HSPH1: variants seen among roughly 807,000 people sequenced by gnomAD.
HSPH1 encodes heat shock protein family H (Hsp110) member 1.
A neutral mutation model predicts 100.0 loss-of-function variants in HSPH1; 40 were observed. That is an observed-to-expected ratio of 0.40 (90% CI 0.31 to 0.52). The LOEUF (loss-of-function observed/expected upper bound fraction) is 0.52. HSPH1 is among the 20% of genes least tolerant of loss of function. The pLI, the probability that HSPH1 is intolerant of heterozygous loss-of-function variation, is 0.54. For synonymous variants in HSPH1, 403 were observed against 344.0 expected (o/e 1.17, Z -1.90); for missense variants, 876 against 1,015.1 (o/e 0.86, Z 1.86).
Position 31,137,226 on chromosome 13 carries a change from G to T in HSPH1, c.*92C>A. On this transcript the variant is annotated 3_prime_UTR_variant, in exon 18 of 18. Transcript: ENST00000320027. ...AAAATTTCTAAATATCCTTAAAAAA[G>T]AAAATATAAATAGTTTCAGTATGTT... 2 of 826,170 alleles carry T rather than the reference G, an allele frequency of 2.4e-6. No homozygotes were observed. The highest frequency in any genetic ancestry group is 2.0e-6 in the Non-Finnish European group (1 of 505,450). 51.2% of individuals were successfully genotyped at this position (826,170 alleles called of 1,614,324 possible). A position where few individuals can be genotyped will look rare whatever the true frequency, so the allele number is the denominator to read the frequency against.
At position 31,158,838 on chromosome 13, in the gene HSPH1, T is replaced by C; in HGVS notation, c.133A>G (p.Asn45Asp). The change falls in exon 2 of 18, where the codon AAT becomes GAT. Residue 45 changes from asparagine (N) to aspartate (D), a missense_variant. By Grantham distance (23) the Asn-to-Asp change is conservative. Transcript: ENST00000320027. ...TPSVISFGSKNRTIGVAAKNQ... is the reference protein window; with the variant it reads ...TPSVISFGSKDRTIGVAAKNQ... ...TTGGCTGCAACTCCGATTGTTCTATTTTTTGATCCAAATGATATGACTGAC... is the reference window on the plus strand; with the variant it reads ...TTGGCTGCAACTCCGATTGTTCTATCTTTTGATCCAAATGATATGACTGAC... 1 of 1,603,150 alleles carries C rather than the reference T, an allele frequency of 6.2e-7. No homozygotes were observed. Among genetic ancestry groups the C allele is most frequent in the Non-Finnish European group, 8.5e-7 (1 of 1,170,106 alleles).
At chr13:31,137,593 A>C in intron 17 of HSPH1, 69 bp from the exon 18 acceptor site, 4 of 1,086,622 alleles carry the variant, frequency 3.7e-6, no homozygotes, top group Non-Finnish European at 5.4e-6. Context: ...CTGCTTCTCC[A>C]CATACTCAAC....
chr13:31,160,578 C>T (rs897665704), intron 1 of HSPH1, among the ~76,000 whole-genome samples: 6 of 152,174 alleles, frequency 3.9e-5, no homozygotes, highest in Non-Finnish European at 8.8e-5. Context: ...ATATTCTCGT[C>T]CGAAAATATC....
rs200118537 is a variant in HSPH1, at chr13:31,140,337, C to T, written c.1855-28G>A. ...GTCAGGAAACAGGAAAGGTTAATTCCAGTCTTCTAGTTAACTCAAGCTAAA... is the reference window on the plus strand; with the variant it reads ...GTCAGGAAACAGGAAAGGTTAATTCTAGTCTTCTAGTTAACTCAAGCTAAA... On this transcript the variant is annotated intron_variant, in intron 13 of 17. Coordinates refer to ENST00000320027, the MANE Select transcript of HSPH1 (RefSeq NM_006644.4). The T allele has an allele frequency of 5.0e-4, 797 of 1,599,114 alleles. 11 individuals carry two copies. In the South Asian group the frequency reaches 8.3e-3, roughly 17 times the overall value.
At chr13:31,140,922 T>G (rs1003117944) in intron 13 of HSPH1, 200 bp downstream of exon 13, 16 of 390,528 alleles carry the variant, frequency 4.1e-5, no homozygotes, top group African/African-American at 3.1e-4. Flanking sequence ...CAGCCAATCA[T>G]GTTATATCAA....
chr13:31,145,511 C>T (rs1476340459), intron 11 of HSPH1, 52 bp downstream of exon 11: 4 of 1,422,190 alleles, frequency 2.8e-6, no homozygotes, highest in Non-Finnish European at 3.0e-6. Flanking sequence ...TCTCCTATAG[C>T]TTAGAACTAA....
At chr13:31,144,118 C>A (rs377108679) in intron 11 of HSPH1, among the ~76,000 whole-genome samples, 195 bp from the exon 12 acceptor site, 25 of 152,126 alleles carry the variant, frequency 1.6e-4, no homozygotes, top group African/African-American at 6.0e-4. Flanking sequence ...TAAAAAAATT[C>A]TTTGAATGAC....
Position 31,137,135 on chromosome 13 carries a change from A to G in HSPH1, c.*183T>C. The G allele has an allele frequency of 1.3e-6, 1 of 744,612 alleles. No individual in the cohort carries two copies. The allele number at this position is 744,612 out of a possible 1,614,324, so 46.1% of individuals were successfully genotyped here. On this transcript the variant is annotated 3_prime_UTR_variant, in exon 18 of 18. Coordinates refer to ENST00000320027, the MANE Select transcript of HSPH1 (RefSeq NM_006644.4). ...ACAGGAATCTGAAAGTTACCAAGGC[A>G]ATTTTCCCTTTTAGGATCATAAAGA...
At chr13:31,153,886 T>C (rs1442072513) in intron 4 of HSPH1, 2 of 151,462 alleles carry the variant, frequency 1.3e-5, no homozygotes, top group African/African-American at 4.9e-5. Context: ...GCCACTGACT[T>C]ATAACTTAAT....
intron 1 of HSPH1, among the ~76,000 whole-genome samples, chr13:31,160,093 T>C (rs752720565): frequency 6.6e-6 from 1 of 152,210 alleles, no homozygotes; most frequent in East Asian, 1.9e-4. Flanking sequence ...GCCATACCTG[T>C]TGTCTTTGAT....
chr13:31,148,521 C>A, intron 8 of HSPH1, 41 bp from the exon 9 acceptor site: 1 of 742,966 alleles, frequency 1.3e-6, no homozygotes, highest in South Asian at 3.3e-5. Context: ...ATGAACACTT[C>A]CCAGTCATCT....
chr13:31,141,828 A>ACACG (rs1292387513), intron 12 of HSPH1, among the ~76,000 whole-genome samples: 2 of 151,784 alleles, frequency 1.3e-5, no homozygotes, highest in East Asian at 3.9e-4. Context: ...ACACACACAC[A>ACACG]CATTATTACT....
chr13:31,139,814 A>C (rs573920746), intron 14 of HSPH1, among the ~76,000 whole-genome samples: 364 of 152,198 alleles, frequency 2.4e-3, no homozygotes, highest in Non-Finnish European at 4.5e-3. Context: ...GAATTACTGG[A>C]TGAACACATC....
At chr13:31,144,654 C>T (rs1311208932) in intron 11 of HSPH1, among the ~76,000 whole-genome samples, 1 of 152,122 alleles carries the variant, frequency 6.6e-6, no homozygotes, top group African/African-American at 2.4e-5. Context: ...TCTAGGTTAA[C>T]TACTTTCTGT....
At chr13:31,160,637 C>G (rs1956863076) in intron 1 of HSPH1, among the ~76,000 whole-genome samples, 1 of 152,202 alleles carries the variant, frequency 6.6e-6, no homozygotes, top group Admixed American at 6.5e-5. Flanking sequence ...CCACCCTATG[C>G]TCCTATAGAA....
At position 31,145,830 on chromosome 13, in the gene HSPH1, T is replaced by G. The variant is rs920270549; in HGVS notation, c.1379-62A>C. 4.6e-6 allele frequency: 7 copies of G among 1,509,380 alleles called. No homozygotes were observed. In the African/African-American group the frequency reaches 8.3e-5, roughly 18 times the overall value. 93.5% of individuals were successfully genotyped at this position (1,509,380 alleles called of 1,614,324 possible). ...TTATTTAGAATTAAGTCTAAATCTC[T>G]GTAGAGGAGGCCAGGTGGGTGGTTC... is the stretch of plus-strand genomic sequence containing the variant. On this transcript the variant is annotated intron_variant, in intron 10 of 17. Coordinates refer to ENST00000320027, the MANE Select transcript of HSPH1 (RefSeq NM_006644.4).
chr13:31,161,997 C>T (rs779597290), upstream of HSPH1: 21 of 1,536,128 alleles, frequency 1.4e-5, no homozygotes, highest in East Asian at 4.9e-4. Context: ...CCTCCACCGG[C>T]CCCTCCACGT....
chr13:31,148,170 GCTTT>G, intron 9 of HSPH1, 78 bp from the exon 10 acceptor site: 8 of 1,404,458 alleles, frequency 5.7e-6, no homozygotes, highest in Non-Finnish European at 7.8e-6. Flanking sequence ...CAGAAAAGAG[GCTTT>G]CTAAAATCTT....
In HSPH1 at chr13:31,155,639, T is replaced by G. The variant is rs41292149; in HGVS notation, c.181A>C (p.Asn61His). 20,744 of 1,598,960 alleles carry G rather than the reference T, an allele frequency of 0.013. 172 individuals carry two copies. Among genetic ancestry groups the G allele is most frequent in the Non-Finnish European group, 0.015 (17,866 of 1,173,252 alleles). Residue 61 changes from asparagine (N) to histidine (H), a missense_variant, in exon 3 of 18, where the codon AAC becomes CAC. Coordinates refer to ENST00000320027, the MANE Select transcript of HSPH1 (RefSeq NM_006644.4). Reference protein sequence around the residue: ...AAKNQQITHANNTVSNFKRFH... With the variant: ...AAKNQQITHAHNTVSNFKRFH... ...CTTTTGAAGTTAGACACCGTATTGT[T>G]TGCATGAGTGATTTGCTGCAAAAAG... is the stretch of plus-strand genomic sequence containing the variant.
Sources: gnomAD v4.1 joint callset for allele counts (sites outside exome capture counted in the v4.1 genomes callset) on GRCh38, gnomAD v4.1.1 for gene constraint, MANE v1.5 for transcripts, NCBI Gene and HGNC (gene_info 2026-07-23, HGNC 2026-07-21) for gene names.